The following CNTN6 variants were observed in gnomAD, a reference collection of about 807,000 sequenced individuals.
CNTN6 encodes the protein contactin 6, also known as contactin-6.
In CNTN6, 137 loss-of-function variants were observed where a neutral mutation model predicts 122.8. That is an observed-to-expected ratio of 1.12 (90% CI 0.97 to 1.29). The LOEUF is 1.29. Among genes scored for constraint, CNTN6 ranks in the 50% most tolerant of loss-of-function variants. The pLI, the probability that CNTN6 is intolerant of heterozygous loss-of-function variation, is 0.00. For missense variants in CNTN6, 1,634 were observed against 1,223.4 expected (o/e 1.34, Z -5.01); for synonymous variants, 570 against 426.0 (o/e 1.34, Z -4.16).
At chr3:1,287,844 T>C (rs1192721721) in intron 5 of CNTN6, among the ~76,000 whole-genome samples, 1 of 152,184 alleles carries the variant, frequency 6.6e-6, no homozygotes, top group African/African-American at 2.4e-5. Context: ...CCTTCAGTCC[T>C]GGGAATTCTC....
intron 2 of CNTN6, among the ~76,000 whole-genome samples, chr3:1,153,244 T>C (rs906769568): frequency 2.0e-5 from 3 of 152,178 alleles, no homozygotes; most frequent in African/African-American, 4.8e-5. Context: ...AAAGTCAACA[T>C]AGAGCTAGTC....
chr3:1,362,593 A>G (rs1707628298), intron 12 of CNTN6, among the ~76,000 whole-genome samples: 1 of 152,050 alleles, frequency 6.6e-6, no homozygotes, highest in African/African-American at 2.4e-5. Context: ...GTGAATAGAA[A>G]ATGTCTAAAC....
chr3:1,238,013 GAAAAC>G lies in CNTN6; in HGVS notation c.358+10030_358+10034del, dbSNP rs2094441706. Among the ~76,000 whole-genome samples the G allele has an allele frequency of 4.7e-5, 7 of 148,472 alleles. No homozygotes were observed. In the South Asian group the frequency reaches 1.5e-3, roughly 32 times the overall value. On this transcript the variant is annotated intron_variant, in intron 4 of 22. Transcript: ENST00000446702. ...GTTTAAAAAAAAAGAAAAGAAAACAGAAAACAAAACAAAAAAAAACCACAAGGTAT... is the reference window on the plus strand; with the variant it reads ...GTTTAAAAAAAAAGAAAAGAAAACAGAAAACAAAAAAAAACCACAAGGTAT...
chr3:1,400,902 A>G (rs930078793), intron 20 of CNTN6, among the ~76,000 whole-genome samples: 1 of 152,116 alleles, frequency 6.6e-6, no homozygotes, highest in African/African-American at 2.4e-5. Context: ...CTCTGCTGCA[A>G]TCTGCCATGA....
At chr3:1,264,585 TTAAC>T (rs72130184) in intron 4 of CNTN6, among the ~76,000 whole-genome samples, 9,404 of 152,110 alleles carry the variant, frequency 0.062, 340 homozygotes, top group Middle Eastern at 0.13. Flanking sequence ...TTATTTTTAA[TTAAC>T]TAATAATAAT....
At chr3:1,320,607 TTAGAA>T (rs1265795275) in intron 7 of CNTN6, among the ~76,000 whole-genome samples, 3 of 151,788 alleles carry the variant, frequency 2.0e-5, no homozygotes, top group Non-Finnish European at 4.4e-5. Flanking sequence ...TGAAATATAA[TTAGAA>T]TAGAATTATT....
At chr3:1,259,992 C>A (rs893433574) in intron 4 of CNTN6, among the ~76,000 whole-genome samples, 6 of 152,100 alleles carry the variant, frequency 3.9e-5, no homozygotes, top group Non-Finnish European at 8.8e-5. Flanking sequence ...TAGATTTTCA[C>A]AGGTTCTGAG....
intron 1 of CNTN6, among the ~76,000 whole-genome samples, chr3:1,113,931 A>G (rs1056729671): frequency 2.6e-5 from 4 of 152,194 alleles, no homozygotes; most frequent in African/African-American, 9.6e-5. Context: ...GGCACAGAGC[A>G]AGGACAATCC....
chr3:1,107,196 T>C (rs2091266632), intron 1 of CNTN6, among the ~76,000 whole-genome samples: 1 of 152,118 alleles, frequency 6.6e-6, no homozygotes, highest in Admixed American at 6.6e-5. Flanking sequence ...AATGTAATGA[T>C]CACAATGATA....
intron 1 of CNTN6, among the ~76,000 whole-genome samples, chr3:1,123,386 G>GT (rs1304506472): frequency 6.6e-6 from 1 of 151,410 alleles, no homozygotes; most frequent in Non-Finnish European, 1.5e-5. Flanking sequence ...TTATTCATGG[G>GT]TATTTTATCC....
At chr3:1,227,374 CGTT>C (rs1440656606) in intron 3 of CNTN6, among the ~76,000 whole-genome samples, 2 of 152,102 alleles carry the variant, frequency 1.3e-5, no homozygotes, top group Admixed American at 6.6e-5. Flanking sequence ...CCTGAATTGG[CGTT>C]GTAAAATTAT....
At chr3:1,177,712 G>A (rs1027471328) in intron 2 of CNTN6, among the ~76,000 whole-genome samples, 1 of 151,566 alleles carries the variant, frequency 6.6e-6, no homozygotes, top group Non-Finnish European at 1.5e-5. Flanking sequence ...ACATCACTAT[G>A]TTTTCTTCTT....
intron 12 of CNTN6, among the ~76,000 whole-genome samples, chr3:1,357,987 C>G (rs755351249): frequency 2.6e-5 from 4 of 151,726 alleles, no homozygotes; most frequent in Non-Finnish European, 4.4e-5. Flanking sequence ...TCATTATCAT[C>G]CAACATCTAG....
chr3:1,270,000 C>T (rs1191794730), intron 4 of CNTN6, among the ~76,000 whole-genome samples: 1 of 152,128 alleles, frequency 6.6e-6, no homozygotes, highest in Admixed American at 6.6e-5. Flanking sequence ...ATTAGCATTC[C>T]AAATGTATGA....
In CNTN6 at chr3:1,126,195, C is replaced by A. The variant is rs114942800; in HGVS notation, c.-82-21732C>A. ...TTATTTTCCTTGAAGGCTTTCTAAGCCTCCATTCCTCACTGGAAAATGGAA... is the reference window on the plus strand; with the variant it reads ...TTATTTTCCTTGAAGGCTTTCTAAGACTCCATTCCTCACTGGAAAATGGAA... On this transcript the variant is annotated intron_variant, in intron 1 of 22. Coordinates refer to ENST00000446702, the MANE Select transcript of CNTN6 (RefSeq NM_001289080.2). 8.2e-3 allele frequency among the ~76,000 whole-genome samples: 1,252 copies of A among 151,948 alleles called. 16 individuals carry two copies. Among genetic ancestry groups the A allele is most frequent in the African/African-American group, 0.029 (1,210 of 41,464 alleles).
intron 5 of CNTN6, among the ~76,000 whole-genome samples, chr3:1,293,748 C>A (rs1695726794): frequency 6.6e-6 from 1 of 152,134 alleles, no homozygotes; most frequent in African/African-American, 2.4e-5. Flanking sequence ...CCTTCTCCAC[C>A]CTGAGTACCT....
At chr3:1,382,804 G>A (rs559402324) in intron 17 of CNTN6, 138 bp from the exon 18 acceptor site, 5 of 605,634 alleles carry the variant, frequency 8.3e-6, no homozygotes, top group African/African-American at 7.4e-5. Context: ...AAATAAAAGT[G>A]TTTTTTAATA....
At chr3:1,271,606 A>G (rs2095028593) in intron 4 of CNTN6, among the ~76,000 whole-genome samples, 1 of 152,134 alleles carries the variant, frequency 6.6e-6, no homozygotes, top group South Asian at 2.1e-4. Context: ...ACAGGGAGAG[A>G]TGTAAGGGTG....
chr3:1,206,112 T>A (rs1171048512), intron 2 of CNTN6, among the ~76,000 whole-genome samples: 1 of 152,170 alleles, frequency 6.6e-6, no homozygotes, highest in Non-Finnish European at 1.5e-5. Flanking sequence ...TACTCTGCAA[T>A]CTTTCCATGT....
Sources: allele counts gnomAD v4.1 joint callset (sites outside exome capture counted in the v4.1 genomes callset), GRCh38; gene constraint gnomAD v4.1.1; transcripts MANE v1.5; gene names NCBI Gene and HGNC (gene_info 2026-07-23, HGNC 2026-07-21).